The following TMEM114 variants were observed in gnomAD, a reference collection of about 807,000 sequenced individuals.
TMEM114 encodes transmembrane protein 114.
TMEM114 carries 6 observed loss-of-function variants against 6.2 expected under a neutral mutation model. The observed-to-expected ratio is 0.97, with a 90% confidence interval of 0.53 to 1.91. The LOEUF is 1.91. Ranked by LOEUF, TMEM114 falls within the 40% of genes most tolerant of loss-of-function variation. TMEM114 has a pLI of 0.01. For missense variants in TMEM114, 218 were observed against 158.3 expected, an observed-to-expected ratio of 1.38 and a Z score of -2.02; for synonymous variants, 104 against 73.0, an observed-to-expected ratio of 1.42 and a Z score of -2.16.
At chr16:8,558,291 G>A (rs376085069) in intron 2 of TMEM114, among the ~76,000 whole-genome samples, 1 of 152,108 alleles carries the variant, frequency 6.6e-6, no homozygotes, top group Non-Finnish European at 1.5e-5. Context: ...CAAGGTGTCA[G>A]GTGGGCCATG....
At chr16:8,572,778 C>G (rs984820623) in intron 2 of TMEM114, among the ~76,000 whole-genome samples, 2 of 152,198 alleles carry the variant, frequency 1.3e-5, no homozygotes, top group Non-Finnish European at 2.9e-5. Flanking sequence ...TGCAGATGAT[C>G]ACACGCATCA....
chr16:8,547,974 C>T (rs528513835), intron 2 of TMEM114, among the ~76,000 whole-genome samples: 143 of 152,262 alleles, frequency 9.4e-4, no homozygotes, highest in African/African-American at 3.3e-3. Context: ...AAATGATTCC[C>T]AGTCCAGGTG....
intron 2 of TMEM114, among the ~76,000 whole-genome samples, chr16:8,559,124 C>G (rs1442089337): frequency 2.0e-5 from 3 of 152,100 alleles, no homozygotes; most frequent in African/African-American, 7.2e-5. Flanking sequence ...CTCACTGCAA[C>G]CTCTTCTTCC....
At chr16:8,553,419 C>A (rs561760818) in intron 2 of TMEM114, among the ~76,000 whole-genome samples, 1 of 152,108 alleles carries the variant, frequency 6.6e-6, no homozygotes, top group Non-Finnish European at 1.5e-5. Context: ...TTTGGGGGGA[C>A]TGAGTCTCAC....
At chr16:8,551,689 C>T (rs1040611840) in intron 2 of TMEM114, among the ~76,000 whole-genome samples, 14 of 152,154 alleles carry the variant, frequency 9.2e-5, no homozygotes, top group South Asian at 6.2e-4. Context: ...CATAGAGTAG[C>T]GCAATTGATA....
intron 2 of TMEM114, among the ~76,000 whole-genome samples, chr16:8,578,114 G>A (rs571352472): frequency 2.7e-4 from 41 of 152,260 alleles, no homozygotes; most frequent in African/African-American, 9.6e-4. Flanking sequence ...GTGTGAGGAT[G>A]CAGAAAAATA....
intron 2 of TMEM114, among the ~76,000 whole-genome samples, chr16:8,572,730 C>G (rs1233047815): frequency 6.6e-6 from 1 of 152,194 alleles, no homozygotes; most frequent in African/African-American, 2.4e-5. Context: ...GCCACTGTGC[C>G]TGGCCAGAGC....
At chr16:8,547,976 G>A (rs1900724256) in intron 2 of TMEM114, among the ~76,000 whole-genome samples, 1 of 152,106 alleles carries the variant, frequency 6.6e-6, no homozygotes, top group Non-Finnish European at 1.5e-5. Flanking sequence ...ATGATTCCCA[G>A]TCCAGGTGAT....
rs1403532980 is a variant in TMEM114, at chr16:8,572,100, G to T, written c.426C>A (p.Leu142=). The T allele has an allele frequency of 1.9e-6, 3 of 1,549,434 alleles. No homozygotes were observed. The highest frequency in any genetic ancestry group is 1.2e-5 in the South Asian group (1 of 83,738). The part of the protein sequence containing the change: ...AYLLLLLTGI[L]FLFGAMVTLA... ...GTGGGCACCTACCTCCAAAGAGGAA[G>T]AGAATTCCAGTGAGCAGGAGGAGGA... Residue 142 remains leucine (L), a synonymous_variant, in exon 3 of 4, where the codon CTC becomes CTA. Coordinates refer to ENST00000620492, the MANE Select transcript of TMEM114 (RefSeq NM_001146336.2).
chr16:8,562,287 AG>A, intron 2 of TMEM114, among the ~76,000 whole-genome samples: 1 of 151,070 alleles, frequency 6.6e-6, no homozygotes, highest in East Asian at 1.9e-4. Context: ...TGAGTGAGTG[AG>A]TGAGTGAATG....
intron 2 of TMEM114, among the ~76,000 whole-genome samples, chr16:8,546,247 A>G (rs138252699): frequency 6.6e-6 from 1 of 152,218 alleles, no homozygotes; most frequent in South Asian, 2.1e-4. Flanking sequence ...TACTTTATAG[A>G]ATTTCTTAAC....
intron 2 of TMEM114, among the ~76,000 whole-genome samples, chr16:8,560,081 C>G (rs866004255): frequency 6.6e-6 from 1 of 152,162 alleles, no homozygotes; most frequent in Non-Finnish European, 1.5e-5. Context: ...ACTGCAGCCT[C>G]GACCTCCTAG....
At chr16:8,527,084 G>A in the TMEM114 span, among the ~76,000 whole-genome samples, 1 of 152,222 alleles carries the variant, frequency 6.6e-6, no homozygotes, top group Non-Finnish European at 1.5e-5. Context: ...GGGCACACCT[G>A]TAGTCCCAGC....
intron 2 of TMEM114, among the ~76,000 whole-genome samples, chr16:8,577,766 T>C (rs1901991684): frequency 6.6e-6 from 1 of 152,034 alleles, no homozygotes; most frequent in South Asian, 2.1e-4. Flanking sequence ...GTATTTTTTT[T>C]AGTAGAGACG....
intron 2 of TMEM114, among the ~76,000 whole-genome samples, chr16:8,564,309 A>G (rs1372425569): frequency 1.0e-5 from 1 of 96,682 alleles, no homozygotes; most frequent in South Asian, 3.7e-4. Context: ...GAGTGATGAA[A>G]TAAGTGAATG....
At chr16:8,577,527 C>A (rs145820563) in intron 2 of TMEM114, among the ~76,000 whole-genome samples, 1 of 152,194 alleles carries the variant, frequency 6.6e-6, no homozygotes, top group East Asian at 1.9e-4. Flanking sequence ...GACCTCCCTG[C>A]AGGGTTGTTT....
intron 2 of TMEM114, among the ~76,000 whole-genome samples, chr16:8,563,625 G>A (rs933155788): frequency 2.7e-5 from 4 of 148,172 alleles, no homozygotes; most frequent in Non-Finnish European, 5.9e-5. Flanking sequence ...GACTGAATGA[G>A]TGAGTGAATG....
Position 8,571,659 on chromosome 16 carries a change from G to C in TMEM114, c.439+428C>G, listed in dbSNP as rs1038841775. 2.4e-5 allele frequency among the ~76,000 whole-genome samples: 3 copies of C among 125,346 alleles called. No homozygotes were observed. In the East Asian group the frequency reaches 8.1e-4, roughly 34 times the overall value. 82.2% of individuals were successfully genotyped at this position (125,346 alleles called of 152,430 possible). ...GACTCTTCTAGATTCTACATAGAAAGATCATGAGGTGTTTGTCTTTCTGTG... is the reference window on the plus strand; with the variant it reads ...GACTCTTCTAGATTCTACATAGAAACATCATGAGGTGTTTGTCTTTCTGTG... On this transcript the variant is annotated intron_variant, in intron 3 of 3. Coordinates refer to ENST00000620492, the MANE Select transcript of TMEM114 (RefSeq NM_001146336.2).
chr16:8,569,764 C>A lies in TMEM114; in HGVS notation c.*9G>T, dbSNP rs1320284208. On this transcript the variant is annotated 3_prime_UTR_variant, in exon 4 of 4. Transcript: ENST00000620492. Reference sequence around the variant, plus strand: ...CCCCTCCCTCCCCTCCACGACCCAGCGCCCAGGCTCATATGGCCTGGTCCT... The same window carrying A: ...CCCCTCCCTCCCCTCCACGACCCAGAGCCCAGGCTCATATGGCCTGGTCCT... The A allele has an allele frequency of 3.2e-6, 5 of 1,545,224 alleles. No homozygotes were observed. The South Asian group carries it at 4.8e-5, about 15-fold the overall frequency.
Sources: gnomAD v4.1 joint callset for allele counts (sites outside exome capture counted in the v4.1 genomes callset) on GRCh38, gnomAD v4.1.1 for gene constraint, MANE v1.5 for transcripts, NCBI Gene and HGNC (gene_info 2026-07-23, HGNC 2026-07-21) for gene names.